RBFOX1: variants seen among roughly 807,000 people sequenced by gnomAD.
The protein encoded by RBFOX1 is RNA binding fox-1 homolog 1.
A neutral mutation model predicts 57.7 loss-of-function variants in RBFOX1; 8 were observed. The observed-to-expected ratio is 0.14, with a 90% CI of 0.08 to 0.25. The LOEUF (loss-of-function observed/expected upper bound fraction) is 0.25, where lower values mean the gene tolerates loss of function less well. Ranked by LOEUF, RBFOX1 falls within the 10% of genes least tolerant of loss-of-function variation. The pLI, the probability that RBFOX1 is intolerant of heterozygous loss-of-function variation, is 1.00. For missense variants in RBFOX1, 611 were observed against 548.5 expected (o/e 1.11, Z -1.14); for synonymous variants, 326 against 222.4 (o/e 1.47, Z -4.15).
intron 4 of RBFOX1, among the ~76,000 whole-genome samples, chr16:7,424,403 A>G (rs1285729716): frequency 2.0e-5 from 3 of 152,064 alleles, no homozygotes; most frequent in Non-Finnish European, 4.4e-5. Flanking sequence ...GGGAATACAG[A>G]AGGGCATCAT....
chr16:6,586,554 G>C (rs1055720984), intron 2 of RBFOX1, among the ~76,000 whole-genome samples: 1 of 152,144 alleles, frequency 6.6e-6, no homozygotes, highest in Non-Finnish European at 1.5e-5. Flanking sequence ...ATATATAGCT[G>C]GTTTGGGGCA....
At chr16:6,611,579 C>A (rs1887008788) in intron 2 of RBFOX1, among the ~76,000 whole-genome samples, 1 of 152,204 alleles carries the variant, frequency 6.6e-6, no homozygotes, top group Non-Finnish European at 1.5e-5. Flanking sequence ...CCACAGTGAG[C>A]ATGGTTTTTC....
At chr16:7,169,351 G>A (rs1424861549) in intron 4 of RBFOX1, among the ~76,000 whole-genome samples, 1 of 152,134 alleles carries the variant, frequency 6.6e-6, no homozygotes, top group Non-Finnish European at 1.5e-5. Flanking sequence ...CAGCACTATG[G>A]GTATATTGGG....
At chr16:7,460,370 A>AATATATATATATATAT (rs879898472) in intron 4 of RBFOX1, among the ~76,000 whole-genome samples, 1,388 of 73,730 alleles carry the variant, frequency 0.019, 11 homozygotes, top group Non-Finnish European at 0.025. Context: ...CATTTAGCAA[A>AATATATATATATATAT]ATATATATAT....
At chr16:5,646,919 C>T (rs1367549782) in intron 3 of RBFOX1, among the ~76,000 whole-genome samples, 1 of 152,128 alleles carries the variant, frequency 6.6e-6, no homozygotes, top group Non-Finnish European at 1.5e-5. Flanking sequence ...AGGCGTGAGC[C>T]ACCACGCCCA....
chr16:5,595,726 A>C (rs944107025), intron 2 of RBFOX1, among the ~76,000 whole-genome samples: 1 of 152,058 alleles, frequency 6.6e-6, no homozygotes, highest in Admixed American at 6.5e-5. Flanking sequence ...TGTTTCCCCA[A>C]CTCAGTCAGA....
chr16:6,947,916 A>G (rs1598094378), intron 3 of RBFOX1, among the ~76,000 whole-genome samples: 1 of 152,126 alleles, frequency 6.6e-6, no homozygotes, highest in Non-Finnish European at 1.5e-5. Flanking sequence ...AGCTGGGATT[A>G]CAGGCTCAAC....
At chr16:5,338,175 G>A (rs904946356) in intron 1 of RBFOX1, among the ~76,000 whole-genome samples, 7 of 152,178 alleles carry the variant, frequency 4.6e-5, no homozygotes, top group African/African-American at 1.7e-4. Flanking sequence ...CTGCTAGGCT[G>A]CAAGTTGTCT....
intron 4 of RBFOX1, among the ~76,000 whole-genome samples, chr16:7,165,290 C>G (rs959877156): frequency 6.6e-6 from 1 of 151,626 alleles, no homozygotes; most frequent in Non-Finnish European, 1.5e-5. Context: ...GGGTGACACA[C>G]CTTGCTCACA....
intron 3 of RBFOX1, among the ~76,000 whole-genome samples, chr16:6,842,243 C>G (rs991401049): frequency 2.6e-5 from 4 of 152,054 alleles, no homozygotes; most frequent in African/African-American, 7.2e-5. Context: ...ATACCTCTGA[C>G]ATGGTATCAT....
intron 2 of RBFOX1, among the ~76,000 whole-genome samples, chr16:6,548,408 T>A (rs2096924993): frequency 6.6e-6 from 1 of 152,122 alleles, no homozygotes; most frequent in Non-Finnish European, 1.5e-5. Flanking sequence ...CTTTGGGCTT[T>A]TTAGGTTTTG....
intron 2 of RBFOX1, among the ~76,000 whole-genome samples, chr16:5,507,629 C>G (rs2043423508): frequency 1.3e-5 from 2 of 152,182 alleles, no homozygotes; most frequent in African/African-American, 4.8e-5. Flanking sequence ...GAAATAGGGT[C>G]TTTGCAGTAT....
Position 5,563,685 on chromosome 16 carries a change from A to G in RBFOX1, c.259-35217A>G, listed in dbSNP as rs74526708. Among the ~76,000 whole-genome samples the G allele has an allele frequency of 9.2e-3, 1,396 of 152,332 alleles. 12 individuals carry two copies. Among genetic ancestry groups the G allele is most frequent in the Middle Eastern group, 0.041 (12 of 294 alleles). On this transcript the variant is annotated intron_variant, in intron 2 of 2. Transcript: ENST00000585867. ...TTTAAAATTACAGCTTTATTGATAT[A>G]TAATTCATATGATATACAATTCCTC...
chr16:6,920,214 A>G (rs763323622), intron 3 of RBFOX1, among the ~76,000 whole-genome samples: 4 of 151,558 alleles, frequency 2.6e-5, no homozygotes, highest in African/African-American at 7.3e-5. Flanking sequence ...TATTTTTGCA[A>G]TTGCAAATTG....
chr16:7,218,030 T>C (rs1020207162), intron 4 of RBFOX1, among the ~76,000 whole-genome samples: 12 of 151,622 alleles, frequency 7.9e-5, no homozygotes, highest in Non-Finnish European at 1.5e-4. Flanking sequence ...GTGGGGTGTG[T>C]GCGCGCGTGT....
intron 3 of RBFOX1, among the ~76,000 whole-genome samples, chr16:6,906,620 T>A (rs941829952): frequency 1.3e-5 from 2 of 152,194 alleles, no homozygotes; most frequent in African/African-American, 4.8e-5. Flanking sequence ...AGGTTTGGAT[T>A]TCCTTGAGGA....
chr16:7,419,212 C>A (rs2098515314), intron 4 of RBFOX1, among the ~76,000 whole-genome samples: 1 of 152,104 alleles, frequency 6.6e-6, no homozygotes, highest in African/African-American at 2.4e-5. Flanking sequence ...CGTCCCCCAC[C>A]CCCAGCCAAG....
chr16:7,311,058 G>GT (rs1358135779), intron 4 of RBFOX1, among the ~76,000 whole-genome samples: 1 of 152,218 alleles, frequency 6.6e-6, no homozygotes, highest in Admixed American at 6.5e-5. Context: ...CAAGGCTAGA[G>GT]TTAAGTTCTT....
At chr16:5,293,520 T>C (rs1011403612) in intron 1 of RBFOX1, among the ~76,000 whole-genome samples, 1 of 152,224 alleles carries the variant, frequency 6.6e-6, no homozygotes, top group Non-Finnish European at 1.5e-5. Flanking sequence ...ACCAAGGCTC[T>C]CTCTCACTTA....
Sources: allele counts gnomAD v4.1 joint callset (sites outside exome capture counted in the v4.1 genomes callset), GRCh38; gene constraint gnomAD v4.1.1; transcripts MANE v1.5; gene names NCBI Gene and HGNC (gene_info 2026-07-23, HGNC 2026-07-21).